Variants in GIPC2 observed in about 807,000 individuals in gnomAD.
The protein encoded by GIPC2 is PDZ domain-containing protein GIPC2.
In GIPC2, 30 loss-of-function variants were observed where a neutral mutation model predicts 30.6. The observed-to-expected ratio is 0.98, with a 90% CI of 0.73 to 1.33. The LOEUF (loss-of-function observed/expected upper bound fraction) is 1.33, where lower values mean the gene tolerates loss of function less well. Among genes scored for constraint, GIPC2 ranks in the 40% most tolerant of loss-of-function variants. The pLI is 0.00. For synonymous variants in GIPC2, 167 were observed against 150.0 expected (o/e 1.11, Z -0.83); for missense variants, 414 against 390.3 (o/e 1.06, Z -0.51).
intron 1 of GIPC2, among the ~76,000 whole-genome samples, chr1:78,062,925 G>A (rs964178455): frequency 1.3e-5 from 2 of 152,132 alleles, no homozygotes; most frequent in African/African-American, 2.4e-5. Context: ...GGAGCTTAGA[G>A]TAAAAGTAAA....
rs1321788651 is a variant in GIPC2 at position 78,094,933 on chromosome 1, A to G, written c.427-19A>G. 6.7e-7 allele frequency: 1 copy of G among 1,497,900 alleles called. No individual in the cohort carries two copies. Among genetic ancestry groups the G allele is most frequent in the Non-Finnish European group, 9.3e-7 (1 of 1,075,898 alleles). The allele number at this position is 1,497,900 out of a possible 1,614,324, so 92.8% of individuals were successfully genotyped here. ...ACACAGTTCTATTTTATATTATGTTATCATCAATTTCCTTTCAGAGAATTA... is the reference window on the plus strand; with the variant it reads ...ACACAGTTCTATTTTATATTATGTTGTCATCAATTTCCTTTCAGAGAATTA... On this transcript the variant is annotated intron_variant, in intron 2 of 5. Transcript: ENST00000370759.
chr1:78,129,813 G>A (rs904920059), intron 5 of GIPC2, among the ~76,000 whole-genome samples: 1 of 152,196 alleles, frequency 6.6e-6, no homozygotes, highest in African/African-American at 2.4e-5. Flanking sequence ...TGTGTAAGTT[G>A]TGTATAGAAC....
intron 4 of GIPC2, among the ~76,000 whole-genome samples, chr1:78,123,985 T>A (rs1361190946): frequency 2.0e-5 from 3 of 152,220 alleles, no homozygotes; most frequent in Admixed American, 2.0e-4. Context: ...GGAAATAGAT[T>A]TTTATTTGCT....
chr1:78,096,277 C>T (rs2100380931), intron 3 of GIPC2, among the ~76,000 whole-genome samples: 1 of 152,294 alleles, frequency 6.6e-6, no homozygotes, highest in Admixed American at 6.5e-5. Flanking sequence ...GGTTTCTATC[C>T]AGTAACTCCT....
intron 1 of GIPC2, among the ~76,000 whole-genome samples, chr1:78,047,311 A>G (rs554974720): frequency 6.6e-6 from 1 of 152,310 alleles, no homozygotes; most frequent in African/African-American, 2.4e-5. Context: ...TGAGGCCTAC[A>G]GCGGCACCTG....
chr1:78,045,794 C>T (rs183212330), upstream of GIPC2: 8,210 of 1,162,158 alleles, frequency 7.1e-3, 39 homozygotes, highest in Non-Finnish European at 8.0e-3. Context: ...TCGGCATCCT[C>T]AGGCGTTCAC....
chr1:78,082,424 A>G (rs868326356), intron 2 of GIPC2, among the ~76,000 whole-genome samples: 9 of 152,166 alleles, frequency 5.9e-5, no homozygotes, highest in African/African-American at 1.2e-4. Flanking sequence ...TAGAATGGCT[A>G]TTTTTAGCTC....
chr1:78,116,301 T>G (rs1662565729), intron 3 of GIPC2, among the ~76,000 whole-genome samples: 1 of 152,178 alleles, frequency 6.6e-6, no homozygotes, highest in South Asian at 2.1e-4. Context: ...GGGATAACCA[T>G]TCAAGATGAG....
intron 2 of GIPC2, among the ~76,000 whole-genome samples, chr1:78,090,669 T>C (rs1662020573): frequency 6.6e-6 from 1 of 152,252 alleles, no homozygotes; most frequent in African/African-American, 2.4e-5. Context: ...TGATTTGCCA[T>C]ACTTTTGCTT....
intron 1 of GIPC2, among the ~76,000 whole-genome samples, chr1:78,055,580 A>G (rs1226671946): frequency 2.6e-5 from 4 of 151,958 alleles, no homozygotes; most frequent in Non-Finnish European, 5.9e-5. Flanking sequence ...CTTTCTTCTC[A>G]TCCTCTTGAC....
chr1:78,079,436 T>G (rs1163408308), intron 1 of GIPC2, among the ~76,000 whole-genome samples: 1 of 152,182 alleles, frequency 6.6e-6, no homozygotes, highest in African/African-American at 2.4e-5. Flanking sequence ...AAATGCACCC[T>G]ATTTCTGAGT....
At chr1:78,076,552 G>A (rs1256736634) in intron 1 of GIPC2, among the ~76,000 whole-genome samples, 2 of 152,106 alleles carry the variant, frequency 1.3e-5, no homozygotes, top group Admixed American at 1.3e-4. Flanking sequence ...TCACCTTAGG[G>A]TTCATGCTCC....
At chr1:78,112,351 T>C (rs921650903) in intron 3 of GIPC2, 3 of 503,926 alleles carry the variant, frequency 6.0e-6, no homozygotes, top group African/African-American at 3.9e-5. Context: ...TCCAAGGAAG[T>C]GTGATCCTGT....
intron 5 of GIPC2, among the ~76,000 whole-genome samples, chr1:78,132,055 A>G (rs1662909493): frequency 6.6e-6 from 1 of 152,226 alleles, no homozygotes; most frequent in Non-Finnish European, 1.5e-5. Context: ...ATGTCTGTTG[A>G]GAGTCACAAA....
chr1:78,093,656 T>C (rs954586238), intron 2 of GIPC2, among the ~76,000 whole-genome samples: 2 of 152,228 alleles, frequency 1.3e-5, no homozygotes, highest in African/African-American at 4.8e-5. Context: ...TCCTAGCTCT[T>C]GGACACAATG....
At chr1:78,084,070 C>G (rs1361152563) in intron 2 of GIPC2, among the ~76,000 whole-genome samples, 1 of 151,656 alleles carries the variant, frequency 6.6e-6, no homozygotes, top group Non-Finnish European at 1.5e-5. Context: ...TGCTCATACA[C>G]TGAAGTCAAG....
At chr1:78,052,141 A>G (rs1261905598) in intron 1 of GIPC2, among the ~76,000 whole-genome samples, 1 of 152,138 alleles carries the variant, frequency 6.6e-6, no homozygotes. Flanking sequence ...TGCCTCCGCC[A>G]GAACCTCTTC....
In GIPC2 at chr1:78,087,178, G is replaced by A. The variant is rs1157713503; in HGVS notation, c.426+6318G>A. Among the ~76,000 whole-genome samples the A allele has an allele frequency of 3.9e-5, 6 of 152,210 alleles. No homozygotes were observed. The East Asian group carries it at 9.7e-4, about 25-fold the overall frequency. On this transcript the variant is annotated intron_variant, in intron 2 of 5. Coordinates refer to ENST00000370759, the MANE Select transcript of GIPC2 (RefSeq NM_017655.6). ...ATGGCTATACTACCTAAATCAATTT[G>A]CAGATTCAATGCTATTCCTATCAAA...
At chr1:78,050,790 A>C (rs1661182544) in intron 1 of GIPC2, among the ~76,000 whole-genome samples, 1 of 152,072 alleles carries the variant, frequency 6.6e-6, no homozygotes, top group African/African-American at 2.4e-5. Flanking sequence ...GCCTGCCACC[A>C]TGCCCGGCTA....
Sources: gnomAD v4.1 joint callset for allele counts (sites outside exome capture counted in the v4.1 genomes callset) on GRCh38, gnomAD v4.1.1 for gene constraint, MANE v1.5 for transcripts, NCBI Gene and HGNC (gene_info 2026-07-23, HGNC 2026-07-21) for gene names.